Variants in ZSCAN25 observed in about 807,000 individuals in gnomAD.
ZSCAN25 encodes zinc finger and SCAN domain containing 25, also known as zinc finger and SCAN domain-containing protein 25.
A neutral mutation model predicts 38.7 loss-of-function variants in ZSCAN25; 27 were observed. The observed-to-expected ratio is 0.70, with a 90% CI of 0.51 to 0.96. The LOEUF (loss-of-function observed/expected upper bound fraction) is 0.96. ZSCAN25 is among the 40% of genes least tolerant of loss of function. ZSCAN25 has a pLI of 0.00. For synonymous variants in ZSCAN25, 273 were observed against 277.7 expected (o/e 0.98, Z 0.17); for missense variants, 637 against 705.9 (o/e 0.90, Z 1.11).
the ZSCAN25 span, among the ~76,000 whole-genome samples, chr7:99,710,527 A>G: frequency 3.3e-5 from 5 of 152,190 alleles, no homozygotes; most frequent in African/African-American, 1.2e-4. Flanking sequence ...AACCAGGGAG[A>G]GGACTGTTTT....
At chr7:99,720,688 C>A in the ZSCAN25 span, 1 of 371,860 alleles carries the variant, frequency 2.7e-6, no homozygotes, top group Non-Finnish European at 5.0e-6. Flanking sequence ...TTAGAAATGA[C>A]AGGAGAGCAT....
the ZSCAN25 span, chr7:99,720,422 G>A: frequency 1.2e-5 from 20 of 1,613,278 alleles, no homozygotes; most frequent in Non-Finnish European, 1.7e-5. Context: ...ACTGTGTGGA[G>A]AAAACAGAGT....
the ZSCAN25 span, among the ~76,000 whole-genome samples, chr7:99,721,507 G>C: frequency 1.3e-5 from 2 of 152,116 alleles, no homozygotes; most frequent in African/African-American, 2.4e-5. Context: ...TGTGATAAAA[G>C]GGCATCAAGG....
At chr7:99,663,065 G>A in the ZSCAN25 span, 4 of 1,333,114 alleles carry the variant, frequency 3.0e-6, no homozygotes, top group Non-Finnish European at 9.7e-7. Context: ...TGGAAAGCAG[G>A]ATGTTTTCCT....
chr7:99,621,316 C>G (rs1584346735), intron 4 of ZSCAN25, 57 bp from the exon 5 acceptor site: 8 of 1,297,526 alleles, frequency 6.2e-6, no homozygotes, highest in Admixed American at 6.1e-5. Flanking sequence ...AGTTCAACTC[C>G]CTTCATAACA....
chr7:99,710,649 A>G, the ZSCAN25 span: 193 of 1,604,182 alleles, frequency 1.2e-4, 1 homozygote, highest in Middle Eastern at 1.9e-3. Context: ...TGCTTTTTAT[A>G]AAAATTCTCC....
At chr7:99,655,521 C>T in the ZSCAN25 span, among the ~76,000 whole-genome samples, 3 of 152,162 alleles carry the variant, frequency 2.0e-5, no homozygotes, top group South Asian at 2.1e-4. Flanking sequence ...ATGATGCCTC[C>T]GGCTTTGTTC....
chr7:99,646,643 T>C, the ZSCAN25 span, among the ~76,000 whole-genome samples: 1 of 152,220 alleles, frequency 6.6e-6, no homozygotes, highest in Non-Finnish European at 1.5e-5. Flanking sequence ...TTTTTAGTCC[T>C]AGCCCTGGCA....
rs1249899887 is a variant in ZSCAN25, at chr7:99,618,506, G to T, written c.-258-19G>T. ...CATTTGTCATAATGGTATATATGTT[G>T]CTCCATTGTCTTTTTCAGGTTGAGC... On this transcript the variant is annotated intron_variant, in intron 1 of 7. Coordinates refer to ENST00000394152, the MANE Select transcript of ZSCAN25 (RefSeq NM_145115.3). 2.0e-5 allele frequency: 3 copies of T among 152,134 alleles called. No homozygotes were observed. Among genetic ancestry groups the T allele is most frequent in the Non-Finnish European group, 2.9e-5 (2 of 68,030 alleles). The allele number at this position is 152,134 out of a possible 1,614,324, so 9.4% of individuals were successfully genotyped here. A position where few individuals can be genotyped will look rare whatever the true frequency, so the allele number is the denominator to read the frequency against.
chr7:99,699,660 G>T, the ZSCAN25 span, among the ~76,000 whole-genome samples: 1 of 152,118 alleles, frequency 6.6e-6, no homozygotes, highest in Non-Finnish European at 1.5e-5. Flanking sequence ...ATCTGCCTTT[G>T]CTGGGTTTTC....
At chr7:99,669,749 A>G in the ZSCAN25 span, among the ~76,000 whole-genome samples, 1 of 152,250 alleles carries the variant, frequency 6.6e-6, no homozygotes, top group Non-Finnish European at 1.5e-5. Flanking sequence ...TCACCATGCT[A>G]TTAAAAGACA....
chr7:99,621,769 G>A (rs1224579692), intron 5 of ZSCAN25, 195 bp downstream of exon 5: 3 of 417,660 alleles, frequency 7.2e-6, no homozygotes, highest in Non-Finnish European at 1.2e-5. Flanking sequence ...CTGGTGTCTG[G>A]AGGGGATATC....
At chr7:99,664,936 G>A in the ZSCAN25 span, among the ~76,000 whole-genome samples, 1 of 152,176 alleles carries the variant, frequency 6.6e-6, no homozygotes, top group Non-Finnish European at 1.5e-5. Context: ...TTGATTATTG[G>A]ATGCTTAGGG....
At chr7:99,648,430 T>C in the ZSCAN25 span, 1 of 1,547,324 alleles carries the variant, frequency 6.5e-7, no homozygotes, top group South Asian at 1.2e-5. Context: ...ATATGGAGAA[T>C]TAATAAATGA....
At chr7:99,704,601 T>C in the ZSCAN25 span, among the ~76,000 whole-genome samples, 1 of 151,844 alleles carries the variant, frequency 6.6e-6, no homozygotes, top group African/African-American at 2.4e-5. Context: ...AAAAATGTCA[T>C]AATTAAACTA....
chr7:99,672,573 T>C, the ZSCAN25 span: 11 of 1,608,948 alleles, frequency 6.8e-6, no homozygotes, highest in Non-Finnish European at 8.5e-7. Context: ...AAAAAATGGA[T>C]GCTTACCCTT....
chr7:99,717,233 C>T, the ZSCAN25 span: 6 of 1,613,836 alleles, frequency 3.7e-6, no homozygotes, highest in Non-Finnish European at 5.1e-6. Flanking sequence ...TTCTCACCAA[C>T]ACATCTCCAT....
chr7:99,705,841 C>T, the ZSCAN25 span, among the ~76,000 whole-genome samples: 1 of 152,074 alleles, frequency 6.6e-6, no homozygotes. Context: ...TGAGGTTTGA[C>T]CTGAGACAAA....
At chr7:99,695,298 C>T in the ZSCAN25 span, among the ~76,000 whole-genome samples, 6 of 152,054 alleles carry the variant, frequency 3.9e-5, no homozygotes, top group African/African-American at 1.2e-4. Context: ...CAAAGCTGTC[C>T]AGGAGGTAGG....
Sources: allele counts gnomAD v4.1 joint callset (sites outside exome capture counted in the v4.1 genomes callset), GRCh38; gene constraint gnomAD v4.1.1; transcripts MANE v1.5; gene names NCBI Gene and HGNC (gene_info 2026-07-23, HGNC 2026-07-21).